B3GALT5: variants seen among roughly 807,000 people sequenced by gnomAD.
B3GALT5 encodes the protein beta-1,3-galactosyltransferase 5.
For synonymous variants in B3GALT5, 156 were observed against 158.6 expected, an observed-to-expected ratio of 0.98 and a Z score of 0.12; for missense variants, 328 against 396.6, an observed-to-expected ratio of 0.83 and a Z score of 1.47.
intron 1 of B3GALT5, among the ~76,000 whole-genome samples, chr21:39,636,484 C>T (rs918536994): frequency 2.0e-5 from 3 of 152,140 alleles, no homozygotes; most frequent in Admixed American, 6.5e-5. Flanking sequence ...CAAATCCAAC[C>T]CCCCTGTTGT....
intron 1 of B3GALT5, among the ~76,000 whole-genome samples, chr21:39,628,130 A>G (rs781536878): frequency 6.6e-6 from 1 of 152,226 alleles, no homozygotes; most frequent in African/African-American, 2.4e-5. Context: ...AACAAAACCA[A>G]TGAGAACACT....
intron 2 of B3GALT5, among the ~76,000 whole-genome samples, chr21:39,647,606 C>T (rs1163477182): frequency 2.0e-5 from 3 of 152,136 alleles, no homozygotes; most frequent in Non-Finnish European, 1.5e-5. Context: ...ACTTCAGCCT[C>T]CCAAGTGCTG....
chr21:39,619,385 C>A (rs2079123130), intron 1 of B3GALT5, among the ~76,000 whole-genome samples: 1 of 152,140 alleles, frequency 6.6e-6, no homozygotes, highest in South Asian at 2.1e-4. Context: ...ACCTTAATTA[C>A]TTCCTCAAAG....
intron 1 of B3GALT5, among the ~76,000 whole-genome samples, chr21:39,642,104 A>G (rs2079294844): frequency 6.6e-6 from 1 of 152,228 alleles, no homozygotes; most frequent in African/African-American, 2.4e-5. Context: ...TCTTCCCTAT[A>G]ACAGGCTACA....
intron 1 of B3GALT5, among the ~76,000 whole-genome samples, chr21:39,615,112 A>T (rs1189371804): frequency 6.6e-6 from 1 of 152,108 alleles, no homozygotes; most frequent in Non-Finnish European, 1.5e-5. Context: ...CCTACTGCTT[A>T]CTTTCCTCTG....
rs972307895 is a variant in B3GALT5, at chr21:39,663,815, T to C, written c.*2323T>C. 13 of 152,282 alleles carry C rather than the reference T, an allele frequency of 8.5e-5. No individual in the cohort carries two copies. Among genetic ancestry groups the C allele is most frequent in the African/African-American group, 3.1e-4 (13 of 41,432 alleles). 9.4% of individuals were successfully genotyped at this position (152,282 alleles called of 1,614,324 possible). The stretch of plus-strand genomic sequence containing the variant: ...TTTGTTGCAGAAGGAGGGTTCCAGC[T>C]CAGCGTGGGTTTCCTGGTGCTGTCT... On this transcript the variant is annotated 3_prime_UTR_variant, in exon 4 of 4. Coordinates refer to ENST00000684187, the MANE Select transcript of B3GALT5 (RefSeq NM_001356336.2).
chr21:39,644,119 A>G (rs974697353), intron 1 of B3GALT5, among the ~76,000 whole-genome samples: 1 of 152,152 alleles, frequency 6.6e-6, no homozygotes, highest in African/African-American at 2.4e-5. Flanking sequence ...AGAGGTGGGT[A>G]AATGGTCATT....
chr21:39,618,976 T>G (rs1200455053), intron 1 of B3GALT5, among the ~76,000 whole-genome samples: 2 of 152,220 alleles, frequency 1.3e-5, no homozygotes, highest in Non-Finnish European at 2.9e-5. Context: ...ATGTTGTGAG[T>G]TAGGGATTCA....
In B3GALT5 at chr21:39,630,098, C is replaced by G. The variant is rs756102283; in HGVS notation, c.-391-16294C>G. 2.7e-3 allele frequency among the ~76,000 whole-genome samples: 414 copies of G among 152,250 alleles called. 7 individuals are homozygous for G. The highest frequency in any genetic ancestry group is 8.4e-4 in the Non-Finnish European group (57 of 68,014). ...AAAACGGTCCTAGCGTATTCTCTAACAACCAACACTCAAAGCCAGATACCT... is the reference window on the plus strand; with the variant it reads ...AAAACGGTCCTAGCGTATTCTCTAAGAACCAACACTCAAAGCCAGATACCT... On this transcript the variant is annotated intron_variant, in intron 1 of 3. Coordinates refer to ENST00000684187, the MANE Select transcript of B3GALT5 (RefSeq NM_001356336.2).
At chr21:39,625,278 G>A (rs1348497486) in intron 1 of B3GALT5, among the ~76,000 whole-genome samples, 1 of 152,194 alleles carries the variant, frequency 6.6e-6, no homozygotes, top group Non-Finnish European at 1.5e-5. Flanking sequence ...GAAGAGTGAT[G>A]GAGTTAGAAA....
rs575936543 is a variant in B3GALT5, at chr21:39,644,147, C to T, written c.-391-2245C>T. Among the ~76,000 whole-genome samples the T allele has an allele frequency of 3.2e-4, 49 of 152,036 alleles. 1 individual carries two copies. The highest frequency in any genetic ancestry group is 1.2e-3 in the Admixed American group (18 of 15,276). On this transcript the variant is annotated intron_variant, in intron 1 of 3. Transcript: ENST00000684187. ...TGGTCATTCATGCCTTTGTCTGGCT[C>T]GGTGAATCTGCATTTGTACATAAGG...
At chr21:39,616,884 C>T (rs1259169309) in intron 1 of B3GALT5, among the ~76,000 whole-genome samples, 1 of 152,152 alleles carries the variant, frequency 6.6e-6, no homozygotes, top group Admixed American at 6.5e-5. Flanking sequence ...GGATTGCCCC[C>T]AAATTCAGGA....
chr21:39,649,655 CA>C (rs5843971), intron 2 of B3GALT5, among the ~76,000 whole-genome samples: 48,555 of 151,880 alleles, frequency 0.32, 8,054 homozygotes, highest in Middle Eastern at 0.39. Context: ...GAGGAGACCC[CA>C]GGGGCGAGGG....
intron 3 of B3GALT5, 69 bp from the exon 4 acceptor site, chr21:39,660,491 C>A: frequency 3.1e-6 from 4 of 1,297,492 alleles, no homozygotes; most frequent in Non-Finnish European, 4.0e-6. Flanking sequence ...CCCACCTCAG[C>A]CTCCTAGCAT....
chr21:39,619,514 T>C (rs1383823068), intron 1 of B3GALT5, among the ~76,000 whole-genome samples: 1 of 152,144 alleles, frequency 6.6e-6, no homozygotes, highest in Non-Finnish European at 1.5e-5. Flanking sequence ...ATGTAATAAG[T>C]TTTTATATAT....
At chr21:39,640,962 C>G (rs1215265197) in intron 1 of B3GALT5, among the ~76,000 whole-genome samples, 1 of 152,056 alleles carries the variant, frequency 6.6e-6, no homozygotes, top group African/African-American at 2.4e-5. Context: ...CTGGTGTCGT[C>G]TCGAACTCCT....
rs1297100666 is a variant in B3GALT5 at position 39,646,640 on chromosome 21, G to A, written c.-161+18G>A. On this transcript the variant is annotated intron_variant, in intron 2 of 3. Transcript: ENST00000684187. ...TAAGAAAGGTGGGTGGTATTCCAAGGTTTGTACCAAGAATTAATAAAATAC... is the reference window on the plus strand; with the variant it reads ...TAAGAAAGGTGGGTGGTATTCCAAGATTTGTACCAAGAATTAATAAAATAC... 1 of 152,172 alleles carries A rather than the reference G, an allele frequency of 6.6e-6. No homozygotes were observed. The highest frequency in any genetic ancestry group is 1.5e-5 in the Non-Finnish European group (1 of 68,046). The allele number at this position is 152,172 out of a possible 1,614,324, so 9.4% of individuals were successfully genotyped here.
At chr21:39,641,824 T>G (rs2079292738) in intron 1 of B3GALT5, among the ~76,000 whole-genome samples, 1 of 152,228 alleles carries the variant, frequency 6.6e-6, no homozygotes, top group Non-Finnish European at 1.5e-5. Context: ...TGAATGTCAT[T>G]CAGGCTTATA....
In B3GALT5 at chr21:39,664,513, G is replaced by T. The variant is rs185521154; in HGVS notation, c.*3021G>T. ...ACAGACACGCTGCCATTTTCCACCT[G>T]ACCAGAAATGGCCACCACCTTCCCC... On this transcript the variant is annotated 3_prime_UTR_variant, in exon 4 of 4. Coordinates refer to ENST00000684187, the MANE Select transcript of B3GALT5 (RefSeq NM_001356336.2). 1.8e-3 allele frequency: 281 copies of T among 152,624 alleles called. 1 individual carries two copies. The highest frequency in any genetic ancestry group is 3.4e-3 in the Middle Eastern group (1 of 296). 9.5% of individuals were successfully genotyped at this position (152,624 alleles called of 1,614,324 possible).
Sources: allele counts gnomAD v4.1 joint callset (sites outside exome capture counted in the v4.1 genomes callset), GRCh38; gene constraint gnomAD v4.1.1; transcripts MANE v1.5; gene names NCBI Gene and HGNC (gene_info 2026-07-23, HGNC 2026-07-21).